The following NLN variants were observed in gnomAD, a reference collection of about 807,000 sequenced individuals.
The protein encoded by NLN is neurolysin, mitochondrial.
NLN carries 64 observed loss-of-function variants against 79.9 expected under a neutral mutation model. The observed-to-expected ratio is 0.80, with a 90% confidence interval of 0.65 to 0.99. NLN has a LOEUF of 0.99. NLN is among the 50% of genes least tolerant of loss of function. The pLI is 0.00. For synonymous variants in NLN, 267 were observed against 296.6 expected, an observed-to-expected ratio of 0.90 and a Z score of 1.02; for missense variants, 835 against 858.7, an observed-to-expected ratio of 0.97 and a Z score of 0.34.
chr5:65,777,718 A>G (rs1759709337), intron 4 of NLN, among the ~76,000 whole-genome samples, 184 bp downstream of exon 4: 1 of 152,164 alleles, frequency 6.6e-6, no homozygotes, highest in Non-Finnish European at 1.5e-5. Flanking sequence ...GGCGTGCTCT[A>G]CTGGTAATAA....
At chr5:65,789,161 A>G (rs774284774) in intron 8 of NLN, among the ~76,000 whole-genome samples, 3 of 151,608 alleles carry the variant, frequency 2.0e-5, no homozygotes, top group African/African-American at 4.9e-5. Flanking sequence ...AAAAGACTCT[A>G]CTCTTCCATA....
intron 3 of NLN, among the ~76,000 whole-genome samples, chr5:65,771,946 C>T (rs1217153127): frequency 1.4e-5 from 2 of 141,248 alleles, no homozygotes; most frequent in Non-Finnish European, 1.5e-5. Flanking sequence ...AAAAGAACCA[C>T]TACCTTAAAA....
At chr5:65,781,453 T>C (rs748811809) in intron 6 of NLN, 32 bp downstream of exon 6, 1 of 1,494,164 alleles carries the variant, frequency 6.7e-7, no homozygotes, top group South Asian at 1.2e-5. Flanking sequence ...CTTTTGTTTT[T>C]AATGGAATAT....
At chr5:65,753,301 A>G (rs1759141919) in intron 1 of NLN, among the ~76,000 whole-genome samples, 1 of 152,232 alleles carries the variant, frequency 6.6e-6, no homozygotes, top group Non-Finnish European at 1.5e-5. Context: ...GAAATAGATG[A>G]AAACCAACGA....
intron 1 of NLN, among the ~76,000 whole-genome samples, chr5:65,739,471 A>C (rs1192432761): frequency 6.6e-6 from 1 of 152,188 alleles, no homozygotes. Context: ...AATATATAGC[A>C]AACATGAGAG....
rs1760497528 is a variant in NLN at position 65,809,598 on chromosome 5, G to A, written c.1611G>A (p.Trp537Ter). 2 of 1,613,860 alleles carry A rather than the reference G, an allele frequency of 1.2e-6. No individual in the cohort carries two copies. Among genetic ancestry groups the A allele is most frequent in the Non-Finnish European group, 1.7e-6 (2 of 1,179,928 alleles). The change falls in exon 10 of 13, where the codon TGG becomes TGA. Residue 537 changes from tryptophan (W) to a stop codon, truncating the protein, a stop_gained. Coordinates refer to ENST00000380985, the MANE Select transcript of NLN (RefSeq NM_020726.5). LOFTEE classifies it high-confidence loss of function. ...CGCAAATGCTTGAAAATTGGGTGTGGGACGTCGATTCCCTCCGAAGATTGT... is the reference window on the plus strand; with the variant it reads ...CGCAAATGCTTGAAAATTGGGTGTGAGACGTCGATTCCCTCCGAAGATTGT... ...VPSQMLENWV[W>*]DVDSLRRLSK...
At chr5:65,789,684 G>A (rs1359336740) in intron 8 of NLN, among the ~76,000 whole-genome samples, 1 of 152,196 alleles carries the variant, frequency 6.6e-6, no homozygotes, top group African/African-American at 2.4e-5. Flanking sequence ...AGAATAGCTT[G>A]AACCCTGGAA....
chr5:65,746,609 G>A (rs1408736799), intron 1 of NLN, among the ~76,000 whole-genome samples: 8 of 152,188 alleles, frequency 5.3e-5, no homozygotes, highest in Admixed American at 5.2e-4. Flanking sequence ...TGTCTAGTGG[G>A]GGACCCAGGA....
In NLN at chr5:65,733,785, T is replaced by A. The variant is rs547786570; in HGVS notation, c.41+11371T>A. 5.0e-4 allele frequency: 320 copies of A among 639,172 alleles called. 42 individuals carry two copies. In the South Asian group the frequency reaches 6.1e-3, roughly 12 times the overall value. The allele number at this position is 639,172 out of a possible 1,614,324, so 39.6% of individuals were successfully genotyped here. A position where few individuals can be genotyped will look rare whatever the true frequency, so the allele number is the denominator to read the frequency against. On this transcript the variant is annotated intron_variant, in intron 1 of 12. Coordinates refer to ENST00000380985, the MANE Select transcript of NLN (RefSeq NM_020726.5). ...CTCAGGCTGAAGTGCAGTGGCACAA[T>A]CTCAGCTCACTGCAACTTCCACCTC...
At chr5:65,806,081 C>T (rs1021939719) in intron 9 of NLN, among the ~76,000 whole-genome samples, 1 of 151,696 alleles carries the variant, frequency 6.6e-6, no homozygotes, top group African/African-American at 2.4e-5. Context: ...AGATCTACTA[C>T]TCAAAAAAAA....
chr5:65,743,669 C>A (rs1758914542), intron 1 of NLN, among the ~76,000 whole-genome samples: 2 of 152,092 alleles, frequency 1.3e-5, no homozygotes, highest in South Asian at 2.1e-4. Context: ...AAAAGAATGG[C>A]CCCAGAATTT....
Position 65,792,667 on chromosome 5 carries a change from T to TC in NLN, c.1527+12_1527+13insC, listed in dbSNP as rs1451431628. ...AGATTTGTGCACAGGTGAGTTTTTT[T>TC]TTTCCCCCAGTAAACCTGCCAATTA... On this transcript the variant is annotated intron_variant, in intron 9 of 12. Coordinates refer to ENST00000380985, the MANE Select transcript of NLN (RefSeq NM_020726.5). 3.1e-6 allele frequency: 5 copies of TC among 1,606,750 alleles called. No homozygotes were observed. The East Asian group carries it at 1.1e-4, about 36-fold the overall frequency.
intron 1 of NLN, among the ~76,000 whole-genome samples, chr5:65,726,569 C>T (rs775660075): frequency 6.6e-6 from 1 of 152,156 alleles, no homozygotes; most frequent in Non-Finnish European, 1.5e-5. Context: ...GAACCCCTCC[C>T]CATACCTCTA....
At chr5:65,728,705 A>G (rs1245392557) in intron 1 of NLN, among the ~76,000 whole-genome samples, 1 of 152,182 alleles carries the variant, frequency 6.6e-6, no homozygotes, top group Non-Finnish European at 1.5e-5. Context: ...TGGAAGGTTT[A>G]TTCAGTGAGT....
At chr5:65,812,982 T>C (rs1445444411) in intron 12 of NLN, among the ~76,000 whole-genome samples, 1 of 152,246 alleles carries the variant, frequency 6.6e-6, no homozygotes, top group Non-Finnish European at 1.5e-5. Context: ...TCCATTCTCA[T>C]TGAAGTCTCA....
At chr5:65,723,552 T>C (rs2112937) in intron 1 of NLN, among the ~76,000 whole-genome samples, 35,877 of 151,790 alleles carry the variant, frequency 0.24, 4,355 homozygotes, top group African/African-American at 0.27. Flanking sequence ...CTGTGGCTCA[T>C]GCCTGTAATC....
intron 1 of NLN, among the ~76,000 whole-genome samples, chr5:65,732,122 C>CTT (rs1419507480): frequency 6.6e-6 from 1 of 152,108 alleles, no homozygotes; most frequent in East Asian, 1.9e-4. Flanking sequence ...TGAGGGCTGA[C>CTT]TTTTTTAAAA....
At chr5:65,762,416 G>T (rs1759358619) in intron 2 of NLN, among the ~76,000 whole-genome samples, 1 of 152,174 alleles carries the variant, frequency 6.6e-6, no homozygotes, top group Non-Finnish European at 1.5e-5. Context: ...TAGATGCAGT[G>T]ATTCATGCCT....
Position 65,791,824 on chromosome 5 carries a change from G to A in NLN, c.1326-630G>A, listed in dbSNP as rs373517036. Reference sequence around the variant, plus strand: ...AAAATGAAGTCTGATAGCTTTTGGAGAATGAAGTCTAATAGCTTTTGGAAA... The same window carrying A: ...AAAATGAAGTCTGATAGCTTTTGGAAAATGAAGTCTAATAGCTTTTGGAAA... On this transcript the variant is annotated intron_variant, in intron 8 of 12. Coordinates refer to ENST00000380985, the MANE Select transcript of NLN (RefSeq NM_020726.5). Among the ~76,000 whole-genome samples, 46 of 152,262 alleles carry A rather than the reference G, an allele frequency of 3.0e-4. 1 individual carries two copies. Among genetic ancestry groups the A allele is most frequent in the African/African-American group, 1.1e-3 (46 of 41,556 alleles).
Sources: allele counts gnomAD v4.1 joint callset (sites outside exome capture counted in the v4.1 genomes callset), GRCh38; gene constraint gnomAD v4.1.1; transcripts MANE v1.5; gene names NCBI Gene and HGNC (gene_info 2026-07-23, HGNC 2026-07-21).